Variants in CLINT1 observed in about 807,000 individuals in gnomAD.
The protein encoded by CLINT1 is clathrin interactor 1.
A neutral mutation model predicts 70.4 loss-of-function variants in CLINT1; 15 were observed. The observed-to-expected ratio is 0.21, with a 90% CI of 0.14 to 0.33. The LOEUF is 0.33. Among genes scored for constraint, CLINT1 ranks in the 10% least tolerant of loss-of-function variants. The pLI, the probability that CLINT1 is intolerant of heterozygous loss-of-function variation, is 1.00. For missense variants in CLINT1, 615 were observed against 778.1 expected (o/e 0.79, Z 2.49); for synonymous variants, 227 against 254.7 (o/e 0.89, Z 1.04).
chr5:157,801,661 C>T (rs1220783900), intron 8 of CLINT1, among the ~76,000 whole-genome samples: 4 of 151,060 alleles, frequency 2.6e-5, no homozygotes, highest in South Asian at 2.1e-4. Flanking sequence ...AGTGAAACTC[C>T]GTCTCTACTA....
intron 8 of CLINT1, among the ~76,000 whole-genome samples, chr5:157,803,185 C>T (rs62389007): frequency 0.13 from 20,401 of 152,230 alleles, 1,804 homozygotes; most frequent in African/African-American, 0.25. Flanking sequence ...AGTTTAAATG[C>T]AATTTTTTGT....
intron 3 of CLINT1, among the ~76,000 whole-genome samples, chr5:157,814,532 A>C (rs1166644618): frequency 2.0e-5 from 3 of 152,254 alleles, no homozygotes; most frequent in Non-Finnish European, 2.9e-5. Context: ...TGTGTCAAAG[A>C]CTTAAAAGAA....
chr5:157,802,143 C>T (rs1301280110), intron 8 of CLINT1, among the ~76,000 whole-genome samples: 1 of 152,124 alleles, frequency 6.6e-6, no homozygotes, highest in Non-Finnish European at 1.5e-5. Flanking sequence ...GATCCGCCTG[C>T]CTCGGCCTCC....
intron 1 of CLINT1, among the ~76,000 whole-genome samples, chr5:157,823,116 C>A (rs1230393589): frequency 2.0e-5 from 3 of 152,114 alleles, no homozygotes; most frequent in African/African-American, 7.2e-5. Context: ...TGAGATCAGG[C>A]AATCTTTTAT....
chr5:157,823,880 T>C (rs1145591), intron 1 of CLINT1: 20,787 of 158,940 alleles, frequency 0.13, 1,815 homozygotes, highest in African/African-American at 0.25. Context: ...GTCAGATCAG[T>C]GGTGGCCTTA....
chr5:157,796,847 T>C (rs1762082715), intron 8 of CLINT1, among the ~76,000 whole-genome samples: 1 of 152,130 alleles, frequency 6.6e-6, no homozygotes, highest in Non-Finnish European at 1.5e-5. Context: ...GCATAACTAA[T>C]TCCTCATTTC....
At chr5:157,815,030 CAAAA>C (rs572736166) in intron 3 of CLINT1, among the ~76,000 whole-genome samples, 2 of 51,624 alleles carry the variant, frequency 3.9e-5, no homozygotes, top group Non-Finnish European at 3.8e-5. Context: ...AACTCTGTCT[CAAAA>C]AAAAAAAAAA....
At chr5:157,822,942 T>C (rs991299699) in intron 1 of CLINT1, among the ~76,000 whole-genome samples, 2 of 152,204 alleles carry the variant, frequency 1.3e-5, no homozygotes, top group Non-Finnish European at 2.9e-5. Context: ...TGGTACTAAC[T>C]GCTAACAAAG....
At chr5:157,791,639 T>C (rs998343287) in intron 10 of CLINT1, 64 bp downstream of exon 10, 1 of 1,418,736 alleles carries the variant, frequency 7.0e-7, no homozygotes, top group Non-Finnish European at 9.6e-7. Context: ...TAATCTATCA[T>C]TCAATGAGTT....
At chr5:157,788,100 A>G (rs888343419) in intron 11 of CLINT1, 108 bp from the exon 12 acceptor site, 22 of 873,616 alleles carry the variant, frequency 2.5e-5, no homozygotes, top group Middle Eastern at 3.2e-4. Context: ...TTTAGCCCCA[A>G]TAAAATTCCT....
intron 9 of CLINT1, among the ~76,000 whole-genome samples, chr5:157,792,450 A>G (rs1156495593): frequency 6.6e-6 from 1 of 152,180 alleles, no homozygotes; most frequent in Non-Finnish European, 1.5e-5. Flanking sequence ...TGGGAGGCTC[A>G]GGCACAAGAA....
At chr5:157,849,645 C>G (rs1753503595) in intron 1 of CLINT1, among the ~76,000 whole-genome samples, 1 of 152,174 alleles carries the variant, frequency 6.6e-6, no homozygotes, top group Non-Finnish European at 1.5e-5. Flanking sequence ...AGATTTAAAT[C>G]TAGACTATCT....
intron 1 of CLINT1, among the ~76,000 whole-genome samples, chr5:157,830,231 A>G (rs1763180260): frequency 6.6e-6 from 1 of 152,224 alleles, no homozygotes; most frequent in Non-Finnish European, 1.5e-5. Flanking sequence ...TACAGGCATC[A>G]TCCACTGCAA....
At chr5:157,814,620 T>A (rs1762657501) in intron 3 of CLINT1, among the ~76,000 whole-genome samples, 1 of 152,270 alleles carries the variant, frequency 6.6e-6, no homozygotes, top group Non-Finnish European at 1.5e-5. Flanking sequence ...CAGTTTTTAC[T>A]TTTTATCTGA....
At chr5:157,816,905 G>A in intron 2 of CLINT1, 75 bp from the exon 3 acceptor site, 1 of 1,070,500 alleles carries the variant, frequency 9.3e-7, no homozygotes, top group Non-Finnish European at 1.4e-6. Flanking sequence ...GTTCTAATTT[G>A]GTGTTTCCCT....
intron 5 of CLINT1, among the ~76,000 whole-genome samples, chr5:157,810,027 C>T (rs1762507217): frequency 6.6e-6 from 1 of 152,180 alleles, no homozygotes; most frequent in Non-Finnish European, 1.5e-5. Context: ...TTTATGAATA[C>T]TTACACAACC....
intron 9 of CLINT1, among the ~76,000 whole-genome samples, chr5:157,792,980 G>T (rs890682906): frequency 2.6e-5 from 4 of 152,120 alleles, no homozygotes; most frequent in Non-Finnish European, 5.9e-5. Flanking sequence ...AATACATTTT[G>T]TCTAGCCTAA....
rs1357170881 is a variant in CLINT1 at position 157,787,010 on chromosome 5, CA to C, written c.*635del. The C allele has an allele frequency of 1.3e-5, 2 of 152,558 alleles. No homozygotes were observed. Among genetic ancestry groups the C allele is most frequent in the African/African-American group, 4.8e-5 (2 of 41,390 alleles). The allele number at this position is 152,558 out of a possible 1,614,324, so 9.5% of individuals were successfully genotyped here. ...ATGGGAAAAGTCCCATGGCAATCAC[CA>C]ATTGCTTAAAGAGGTTTTGTTACAA... On this transcript the variant is annotated 3_prime_UTR_variant, in exon 12 of 12. Transcript: ENST00000411809.
At chr5:157,831,372 A>G (rs1406553343) in intron 1 of CLINT1, among the ~76,000 whole-genome samples, 1 of 151,882 alleles carries the variant, frequency 6.6e-6, no homozygotes, top group Admixed American at 6.6e-5. Flanking sequence ...TTGTATTTTC[A>G]GTAAAGACAA....
Sources: allele counts gnomAD v4.1 joint callset (sites outside exome capture counted in the v4.1 genomes callset), GRCh38; gene constraint gnomAD v4.1.1; transcripts MANE v1.5; gene names NCBI Gene and HGNC (gene_info 2026-07-23, HGNC 2026-07-21).